The following ERLIN1 variants were observed in gnomAD, a reference collection of about 807,000 sequenced individuals.
The protein encoded by ERLIN1 is ER lipid raft associated 1, also known as erlin-1.
ERLIN1 carries 24 observed loss-of-function variants against 46.9 expected under a neutral mutation model. The observed-to-expected ratio is 0.51, with a 90% CI of 0.37 to 0.72. The LOEUF (loss-of-function observed/expected upper bound fraction) is 0.72, where lower values mean the gene tolerates loss of function less well. Ranked by LOEUF, ERLIN1 falls within the 30% of genes least tolerant of loss-of-function variation. The pLI is 0.00. For synonymous variants in ERLIN1, 158 were observed against 143.2 expected (o/e 1.10, Z -0.74); for missense variants, 293 against 417.9 (o/e 0.70, Z 2.61).
intron 8 of ERLIN1, among the ~76,000 whole-genome samples, chr10:100,157,457 T>TA (rs1355097955): frequency 1.3e-5 from 2 of 152,232 alleles, no homozygotes; most frequent in Admixed American, 6.5e-5. Flanking sequence ...CAATCACTGC[T>TA]ATTCTTAAAG....
chr10:100,157,615 G>A (rs1012551935), intron 8 of ERLIN1, among the ~76,000 whole-genome samples: 1 of 152,120 alleles, frequency 6.6e-6, no homozygotes, highest in South Asian at 2.1e-4. Context: ...AACTGCTCCA[G>A]GAGATAATTC....
chr10:100,151,769 C>T lies in ERLIN1; in HGVS notation c.*362G>A. ...GAATGGTGGCTGAGCATACATTTCC[C>T]CGGGGGACGAATGTAAACATTATTC... On this transcript the variant is annotated 3_prime_UTR_variant, in exon 11 of 11. Transcript: ENST00000421367. The T allele has an allele frequency of 1.2e-5, 4 of 326,050 alleles. No individual in the cohort carries two copies. The highest frequency in any genetic ancestry group is 7.7e-5 in the East Asian group (1 of 12,936). 20.2% of individuals were successfully genotyped at this position (326,050 alleles called of 1,614,324 possible). A position where few individuals can be genotyped will look rare whatever the true frequency, so the allele number is the denominator to read the frequency against.
chr10:100,158,656 T>C (rs535591507), intron 8 of ERLIN1, among the ~76,000 whole-genome samples: 8 of 152,148 alleles, frequency 5.3e-5, no homozygotes, highest in Non-Finnish European at 8.8e-5. Flanking sequence ...TCATAATTGA[T>C]GGGAGGATAA....
intron 6 of ERLIN1, 73 bp downstream of exon 6, chr10:100,174,131 AAAAC>A (rs1844158996): frequency 5.5e-6 from 5 of 912,066 alleles, no homozygotes; most frequent in Non-Finnish European, 8.7e-6. Flanking sequence ...ATTGCTGAAT[AAAAC>A]AATCCAATGA....
At chr10:100,179,757 T>C (rs1047819313) in intron 2 of ERLIN1, among the ~76,000 whole-genome samples, 5 of 152,106 alleles carry the variant, frequency 3.3e-5, no homozygotes, top group African/African-American at 1.2e-4. Flanking sequence ...GTGCCTGGCC[T>C]ACAGCGAATG....
chr10:100,181,015 C>T (rs1003128569), intron 2 of ERLIN1, among the ~76,000 whole-genome samples: 7 of 152,184 alleles, frequency 4.6e-5, no homozygotes. Context: ...ATTAGAATGA[C>T]AGTAAACATT....
intron 1 of ERLIN1, among the ~76,000 whole-genome samples, chr10:100,184,772 G>A (rs901191188): frequency 5.3e-5 from 8 of 152,196 alleles, no homozygotes; most frequent in African/African-American, 1.9e-4. Context: ...TAGGATTCAG[G>A]ATGGATTTGA....
In ERLIN1 at chr10:100,151,231, G is replaced by A. The variant is rs1303950139; in HGVS notation, c.*900C>T. ...TGCAGCAAGTCACTAGGAATTGCAT[G>A]CTGCTCCTATTTGTGGTTAAAACCC... On this transcript the variant is annotated 3_prime_UTR_variant, in exon 11 of 11. Coordinates refer to ENST00000421367, the MANE Select transcript of ERLIN1 (RefSeq NM_006459.4). The A allele has an allele frequency of 6.6e-6, 1 of 152,650 alleles. No homozygotes were observed. Among genetic ancestry groups the A allele is most frequent in the African/African-American group, 2.4e-5 (1 of 41,448 alleles). The allele number at this position is 152,650 out of a possible 1,614,324, so 9.5% of individuals were successfully genotyped here. A position where few individuals can be genotyped will look rare whatever the true frequency, so the allele number is the denominator to read the frequency against.
At chr10:100,171,287 T>C (rs1013757249) in intron 6 of ERLIN1, among the ~76,000 whole-genome samples, 1 of 151,992 alleles carries the variant, frequency 6.6e-6, no homozygotes, top group Non-Finnish European at 1.5e-5. Context: ...TTGAAGAAAA[T>C]GTTTCCTATA....
chr10:100,168,680 C>CT (rs200700163), intron 6 of ERLIN1, among the ~76,000 whole-genome samples: 10,535 of 138,276 alleles, frequency 0.076, 677 homozygotes, highest in African/African-American at 0.17. Flanking sequence ...TAAAGTAGGA[C>CT]TTTTTTTTTT....
intron 1 of ERLIN1, 106 bp downstream of exon 1, chr10:100,185,408 G>C: frequency 8.2e-6 from 7 of 853,396 alleles, no homozygotes; most frequent in Non-Finnish European, 1.4e-5. Context: ...CCTAGAGATG[G>C]GACATGCGCC....
chr10:100,163,102 GA>G (rs982190183), intron 8 of ERLIN1, among the ~76,000 whole-genome samples: 10 of 151,482 alleles, frequency 6.6e-5, no homozygotes, highest in African/African-American at 2.4e-4. Flanking sequence ...GCCAAAAAAA[GA>G]AAAAATCCCT....
intron 6 of ERLIN1, among the ~76,000 whole-genome samples, chr10:100,168,734 C>T (rs989263585): frequency 4.1e-5 from 6 of 147,384 alleles, no homozygotes; most frequent in Non-Finnish European, 8.9e-5. Flanking sequence ...GGCTGGAGTG[C>T]GGTGGTGCAA....
rs1246433550 is a variant in ERLIN1 at position 100,151,028 on chromosome 10, G to C, written c.*1103C>G. 6.6e-6 allele frequency: 1 copy of C among 152,500 alleles called. No homozygotes were observed. The highest frequency in any genetic ancestry group is 1.9e-4 in the East Asian group (1 of 5,192). The allele number at this position is 152,500 out of a possible 1,614,324, so 9.4% of individuals were successfully genotyped here. A position where few individuals can be genotyped will look rare whatever the true frequency, so the allele number is the denominator to read the frequency against. The stretch of plus-strand genomic sequence containing the variant: ...AATGATGACCAAGGATGCTTTCTAG[G>C]TGACTTTTTGTTCCACACTATGTGG... On this transcript the variant is annotated 3_prime_UTR_variant, in exon 11 of 11. Transcript: ENST00000421367.
chr10:100,154,217 AC>A (rs1165784683), intron 10 of ERLIN1, among the ~76,000 whole-genome samples: 1 of 152,158 alleles, frequency 6.6e-6, no homozygotes, highest in East Asian at 1.9e-4. Context: ...TAGCCAGCTT[AC>A]CCCAGTCCTT....
chr10:100,183,731 G>A, intron 2 of ERLIN1, 25 bp downstream of exon 2: 2 of 1,537,366 alleles, frequency 1.3e-6, no homozygotes, highest in Non-Finnish European at 1.8e-6. Context: ...ATCTGGTATG[G>A]AGGCTTCCCC....
intron 1 of ERLIN1, 130 bp downstream of exon 1, chr10:100,185,384 A>T: frequency 1.5e-6 from 1 of 678,258 alleles, no homozygotes; most frequent in Non-Finnish European, 2.6e-6. Flanking sequence ...GCCCGCTTCG[A>T]CCCCCGTGCT....
chr10:100,174,261 T>C lies in ERLIN1; in HGVS notation c.451A>G (p.Lys151Glu), dbSNP rs1212995006. ...TTTAAGTCTTTCTGCAGAGCTTGCT[T>C]CAGGTTTTCATCTATTTGATCTGTT... ...ELFDQIDENL[K>E]QALQKDLNLM... is the part of the protein sequence containing the mutation. The change falls in exon 6 of 11, where the codon AAG (lysine) becomes GAG (glutamate). Residue 151 changes from lysine to glutamate, a missense_variant. Transcript: ENST00000421367. The C allele has an allele frequency of 3.8e-6, 6 of 1,560,470 alleles. No homozygotes were observed. The African/African-American group carries it at 4.1e-5, about 11-fold the overall frequency.
intron 7 of ERLIN1, among the ~76,000 whole-genome samples, chr10:100,165,693 A>G (rs557246325): frequency 6.6e-6 from 1 of 152,180 alleles, no homozygotes; most frequent in South Asian, 2.1e-4. Flanking sequence ...AGCCTAAGCA[A>G]TCATATTTAA....
Sources: allele counts gnomAD v4.1 joint callset (sites outside exome capture counted in the v4.1 genomes callset), GRCh38; gene constraint gnomAD v4.1.1; transcripts MANE v1.5; gene names NCBI Gene and HGNC (gene_info 2026-07-23, HGNC 2026-07-21).